PTPRT: variants seen among roughly 807,000 people sequenced by gnomAD.
PTPRT encodes receptor-type tyrosine-protein phosphatase T.
A neutral mutation model predicts 176.8 loss-of-function variants in PTPRT; 56 were observed. The observed-to-expected ratio is 0.32, with a 90% CI of 0.26 to 0.40. The LOEUF (loss-of-function observed/expected upper bound fraction) is 0.40. Among genes scored for constraint, PTPRT ranks in the 10% least tolerant of loss-of-function variants. The probability of loss-of-function intolerance (pLI) is 1.00; values close to 1 mark genes in which losing one functional copy is unlikely to be tolerated. For missense variants in PTPRT, 1,540 were observed against 1,908.2 expected (o/e 0.81, Z 3.60); for synonymous variants, 783 against 739.0 (o/e 1.06, Z -0.96).
intron 7 of PTPRT, among the ~76,000 whole-genome samples, chr20:42,539,053 C>G (rs974247436): frequency 3.3e-5 from 5 of 152,166 alleles, no homozygotes; most frequent in Non-Finnish European, 7.3e-5. Flanking sequence ...CGTGTGTACA[C>G]CTACCAGTCT....
chr20:42,613,431 T>A (rs1330280184), intron 7 of PTPRT, among the ~76,000 whole-genome samples: 1 of 152,224 alleles, frequency 6.6e-6, no homozygotes, highest in Non-Finnish European at 1.5e-5. Flanking sequence ...AAATCCATAC[T>A]AGTTATGCAG....
chr20:42,152,703 T>C (rs1989189627), intron 17 of PTPRT, among the ~76,000 whole-genome samples: 1 of 152,086 alleles, frequency 6.6e-6, no homozygotes, highest in South Asian at 2.1e-4. Flanking sequence ...CTTCCAGCTG[T>C]CTACACCCGT....
chr20:42,075,416 C>G lies in PTPRT; in HGVS notation c.*5463G>C, dbSNP rs1200722232. 5 of 227,510 alleles carry G rather than the reference C, an allele frequency of 2.2e-5. No individual in the cohort carries two copies. The highest frequency in any genetic ancestry group is 1.3e-4 in the East Asian group (2 of 15,902). 14.1% of individuals were successfully genotyped at this position (227,510 alleles called of 1,614,324 possible). A position where few individuals can be genotyped will look rare whatever the true frequency, so the allele number is the denominator to read the frequency against. On this transcript the variant is annotated 3_prime_UTR_variant, in exon 31 of 31. Transcript: ENST00000373187. ...ACAACCTGTTGACATGACTTAGGAA[C>G]AGCGTCCTGTTCATGCTTCCTCTTG...
intron 6 of PTPRT, among the ~76,000 whole-genome samples, chr20:42,741,323 C>G (rs6030453): frequency 6.6e-6 from 1 of 152,022 alleles, no homozygotes; most frequent in Non-Finnish European, 1.5e-5. Context: ...GCAATCACTA[C>G]GGGTATATCC....
chr20:43,136,035 A>G (rs552952370), intron 1 of PTPRT, among the ~76,000 whole-genome samples: 1 of 152,362 alleles, frequency 6.6e-6, no homozygotes, highest in South Asian at 2.1e-4. Context: ...AGCTAGTCTC[A>G]TGCCTCAAAG....
chr20:42,193,402 A>C (rs915167589), intron 16 of PTPRT, among the ~76,000 whole-genome samples: 10 of 152,330 alleles, frequency 6.6e-5, no homozygotes, highest in African/African-American at 2.4e-4. Flanking sequence ...TAAGGAAGTG[A>C]AGTTCTCCCT....
intron 2 of PTPRT, among the ~76,000 whole-genome samples, chr20:42,793,874 G>A (rs1433136817): frequency 6.6e-6 from 1 of 152,098 alleles, no homozygotes; most frequent in Admixed American, 6.6e-5. Flanking sequence ...TGCCACTGAG[G>A]AGTAGCACAT....
chr20:42,761,403 C>A, intron 5 of PTPRT, among the ~76,000 whole-genome samples: 1 of 150,614 alleles, frequency 6.6e-6, no homozygotes, highest in African/African-American at 2.5e-5. Flanking sequence ...CACTGCACTC[C>A]AGCCTGGGCA....
chr20:42,640,988 TTA>T (rs1569045765), intron 7 of PTPRT, among the ~76,000 whole-genome samples: 1 of 152,160 alleles, frequency 6.6e-6, no homozygotes, highest in Non-Finnish European at 1.5e-5. Flanking sequence ...ATAAGCATGT[TTA>T]AGGTTGCCCA....
At chr20:42,756,309 G>T (rs2076831512) in intron 6 of PTPRT, among the ~76,000 whole-genome samples, 153 bp downstream of exon 6, 1 of 152,216 alleles carries the variant, frequency 6.6e-6, no homozygotes, top group Non-Finnish European at 1.5e-5. Context: ...TCCCGTTTGG[G>T]GAGTTTGTGT....
At chr20:43,047,835 GT>G (rs1252474256) in intron 1 of PTPRT, among the ~76,000 whole-genome samples, 4 of 152,096 alleles carry the variant, frequency 2.6e-5, no homozygotes, top group Non-Finnish European at 5.9e-5. Flanking sequence ...GGGTTCTTTT[GT>G]CCCTACTGCA....
At chr20:42,893,176 C>A (rs1025602889) in intron 1 of PTPRT, among the ~76,000 whole-genome samples, 1 of 152,178 alleles carries the variant, frequency 6.6e-6, no homozygotes, top group Non-Finnish European at 1.5e-5. Context: ...AAGAAAAAAA[C>A]AACCCCATCA....
chr20:42,950,480 T>C (rs1981169904), intron 1 of PTPRT, among the ~76,000 whole-genome samples: 1 of 152,172 alleles, frequency 6.6e-6, no homozygotes, highest in Admixed American at 6.5e-5. Context: ...CTTTGTTAAC[T>C]ACGACCATGG....
chr20:42,502,868 G>T (rs923794404), intron 7 of PTPRT, among the ~76,000 whole-genome samples: 2 of 152,038 alleles, frequency 1.3e-5, no homozygotes, highest in African/African-American at 4.8e-5. Flanking sequence ...CAATTTAATA[G>T]ATGATTGCAA....
At chr20:42,291,434 G>T (rs1192118078) in intron 12 of PTPRT, among the ~76,000 whole-genome samples, 1 of 152,084 alleles carries the variant, frequency 6.6e-6, no homozygotes, top group Non-Finnish European at 1.5e-5. Flanking sequence ...ACACACATAG[G>T]TATGTATTTA....
intron 7 of PTPRT, among the ~76,000 whole-genome samples, chr20:42,497,298 G>A (rs141371649): frequency 3.9e-5 from 6 of 151,924 alleles, no homozygotes; most frequent in African/African-American, 1.4e-4. Context: ...GTCTTTTATG[G>A]CATTTTTCCC....
chr20:42,995,345 G>A (rs2146116752), intron 1 of PTPRT, among the ~76,000 whole-genome samples: 1 of 152,230 alleles, frequency 6.6e-6, no homozygotes, highest in Non-Finnish European at 1.5e-5. Flanking sequence ...TAAGTCAGAG[G>A]GCATATTGAA....
At chr20:42,442,075 C>A (rs2059321364) in intron 9 of PTPRT, among the ~76,000 whole-genome samples, 1 of 152,178 alleles carries the variant, frequency 6.6e-6, no homozygotes, top group African/African-American at 2.4e-5. Context: ...GTCAGTGCAG[C>A]AAAGCTGAGG....
intron 1 of PTPRT, among the ~76,000 whole-genome samples, chr20:43,092,565 T>C (rs770786784): frequency 6.6e-6 from 1 of 152,208 alleles, no homozygotes; most frequent in Non-Finnish European, 1.5e-5. Context: ...AAACATACGA[T>C]GGAATCACAC....
Sources: gnomAD v4.1 joint callset for allele counts (sites outside exome capture counted in the v4.1 genomes callset) on GRCh38, gnomAD v4.1.1 for gene constraint, MANE v1.5 for transcripts, NCBI Gene and HGNC (gene_info 2026-07-23, HGNC 2026-07-21) for gene names.